Variants in CLDN14 observed in about 807,000 individuals in gnomAD.
The protein encoded by CLDN14 is claudin 14, also known as claudin-14.
CLDN14 carries 2 observed loss-of-function variants against 2.1 expected under a neutral mutation model. That is an observed-to-expected ratio of 0.96 (90% CI 0.39 to 3.01). CLDN14 has a LOEUF of 3.01. Ranked by LOEUF, CLDN14 falls within the 30% of genes most tolerant of loss-of-function variation. The probability of loss-of-function intolerance (pLI) is 0.09; values close to 1 mark genes in which losing one functional copy is unlikely to be tolerated. For synonymous variants in CLDN14, 136 were observed against 154.4 expected, an observed-to-expected ratio of 0.88 and a Z score of 0.88; for missense variants, 298 against 328.0, an observed-to-expected ratio of 0.91 and a Z score of 0.71.
chr21:36,533,937 C>T (rs537383995), intron 1 of CLDN14, among the ~76,000 whole-genome samples: 1 of 152,238 alleles, frequency 6.6e-6, no homozygotes, highest in East Asian at 1.9e-4. Context: ...CAATAAACCT[C>T]CACGGCACAA....
chr21:36,489,186 G>A (rs1368386060), intron 2 of CLDN14, among the ~76,000 whole-genome samples: 1 of 137,096 alleles, frequency 7.3e-6, no homozygotes, highest in African/African-American at 2.8e-5. Flanking sequence ...AAAGAGAATG[G>A]GGGGCGGGAG....
intron 1 of CLDN14, among the ~76,000 whole-genome samples, chr21:36,527,039 C>G (rs1017539653): frequency 6.6e-6 from 1 of 152,130 alleles, no homozygotes; most frequent in Non-Finnish European, 1.5e-5. Flanking sequence ...AGAGATCATG[C>G]CCCCCAAATA....
chr21:36,474,813 A>G (rs910271164), intron 1 of CLDN14, among the ~76,000 whole-genome samples: 1 of 152,194 alleles, frequency 6.6e-6, no homozygotes, highest in Non-Finnish European at 1.5e-5. Context: ...CTGTGTGCAC[A>G]TGGAGAGACC....
At chr21:36,477,605 A>G (rs1442952586) in intron 1 of CLDN14, 1 of 151,830 alleles carries the variant, frequency 6.6e-6, no homozygotes, top group Non-Finnish European at 1.5e-5. Flanking sequence ...GCCTCTTTGC[A>G]CAAGGGGCTC....
At chr21:36,465,813 G>C (rs2835364) in intron 1 of CLDN14, among the ~76,000 whole-genome samples, 33 of 152,158 alleles carry the variant, frequency 2.2e-4, no homozygotes, top group Non-Finnish European at 7.3e-5. Flanking sequence ...AAACAAATAG[G>C]GTTCCAAGCA....
At chr21:36,481,295 G>T (rs2086842755), upstream of CLDN14, among the ~76,000 whole-genome samples, 1 of 152,172 alleles carries the variant, frequency 6.6e-6, no homozygotes, top group South Asian at 2.1e-4. Flanking sequence ...TTAAAGGAAT[G>T]AACTAACTTG....
At chr21:36,538,044 T>C (rs2087443984) in intron 1 of CLDN14, among the ~76,000 whole-genome samples, 1 of 152,026 alleles carries the variant, frequency 6.6e-6, no homozygotes, top group Non-Finnish European at 1.5e-5. Flanking sequence ...AAACTGTATA[T>C]GACAAAATAT....
Position 36,518,597 on chromosome 21 carries a change from TCAAACAAA to T in CLDN14, c.-219-8105_-219-8098del, listed in dbSNP as rs34119785. Among the ~76,000 whole-genome samples, 480 of 150,880 alleles carry T rather than the reference TCAAACAAA, an allele frequency of 3.2e-3. 3 individuals are homozygous for T. Among genetic ancestry groups the T allele is most frequent in the African/African-American group, 0.011 (446 of 41,236 alleles). ...CTGGGTGACAGAGCAAGACTCTGTC[TCAAACAAA>T]CAAACAAACAAACAACAACAACAAA... On this transcript the variant is annotated intron_variant, in intron 1 of 2. Coordinates refer to the CLDN14 transcript ENST00000342108.
intron 1 of CLDN14, among the ~76,000 whole-genome samples, chr21:36,537,818 T>C (rs944628139): frequency 6.6e-6 from 1 of 152,062 alleles, no homozygotes; most frequent in African/African-American, 2.4e-5. Context: ...CCTGACTAAT[T>C]TTTGTATTTT....
intron 1 of CLDN14, among the ~76,000 whole-genome samples, chr21:36,566,503 C>T (rs935177530): frequency 1.2e-4 from 18 of 152,172 alleles, no homozygotes; most frequent in South Asian, 2.1e-4. Context: ...ACTTCTCAGT[C>T]GAACTGGACC....
At chr21:36,500,540 T>A (rs2087084041) in intron 2 of CLDN14, among the ~76,000 whole-genome samples, 1 of 152,212 alleles carries the variant, frequency 6.6e-6, no homozygotes, top group South Asian at 2.1e-4. Context: ...CAAGCAATTC[T>A]CCTGCTTCAA....
At chr21:36,569,664 C>A (rs1355253721) in intron 1 of CLDN14, among the ~76,000 whole-genome samples, 2 of 152,126 alleles carry the variant, frequency 1.3e-5, no homozygotes, top group Admixed American at 1.3e-4. Flanking sequence ...ACCTAATAAC[C>A]CGCAGAACCA....
At chr21:36,477,090 T>C (rs923534857) in intron 1 of CLDN14, among the ~76,000 whole-genome samples, 34 of 152,292 alleles carry the variant, frequency 2.2e-4, no homozygotes, top group Admixed American at 2.1e-3. Context: ...CAGTGCAAAA[T>C]GAAAATACAG....
chr21:36,517,083 A>G (rs1601620249), intron 1 of CLDN14, among the ~76,000 whole-genome samples: 2 of 151,484 alleles, frequency 1.3e-5, no homozygotes, highest in South Asian at 2.1e-4. Flanking sequence ...CAAGTGATCC[A>G]CCCACCTCAG....
Position 36,548,620 on chromosome 21 carries a change from G to A in CLDN14, c.-220+27791C>T, listed in dbSNP as rs151171005. 5.9e-5 allele frequency among the ~76,000 whole-genome samples: 9 copies of A among 152,296 alleles called. No homozygotes were observed. The East Asian group carries it at 9.7e-4, about 16-fold the overall frequency. On this transcript the variant is annotated intron_variant, in intron 1 of 2. Coordinates refer to the CLDN14 transcript ENST00000342108. ...AGTCTGTGGCAGGTTAGAGGGTTGC[G>A]TGGATGGTTACCCTGACTGCCCCAC...
At chr21:36,517,580 C>T (rs2087238368) in intron 1 of CLDN14, among the ~76,000 whole-genome samples, 1 of 151,984 alleles carries the variant, frequency 6.6e-6, no homozygotes, top group African/African-American at 2.4e-5. Flanking sequence ...GCTTTTGTTG[C>T]AATGACAAGA....
chr21:36,508,411 G>A (rs2087153005), intron 2 of CLDN14, among the ~76,000 whole-genome samples: 1 of 152,162 alleles, frequency 6.6e-6, no homozygotes, highest in Admixed American at 6.5e-5. Flanking sequence ...AATCCTATCG[G>A]GCATCATTAA....
intron 1 of CLDN14, among the ~76,000 whole-genome samples, chr21:36,572,676 A>T (rs1427025211): frequency 6.6e-6 from 1 of 152,186 alleles, no homozygotes; most frequent in Non-Finnish European, 1.5e-5. Context: ...GATGCTTTGG[A>T]AGACCCTGGT....
At chr21:36,565,117 A>G (rs940658959) in intron 1 of CLDN14, among the ~76,000 whole-genome samples, 1 of 152,196 alleles carries the variant, frequency 6.6e-6, no homozygotes, top group Non-Finnish European at 1.5e-5. Flanking sequence ...CAGTTCCTCA[A>G]TGTTTTCCTC....
Sources: gnomAD v4.1 joint callset for allele counts (sites outside exome capture counted in the v4.1 genomes callset) on GRCh38, gnomAD v4.1.1 for gene constraint, MANE v1.5 for transcripts, NCBI Gene and HGNC (gene_info 2026-07-23, HGNC 2026-07-21) for gene names.